CUX2: variants seen among roughly 807,000 people sequenced by gnomAD.
CUX2 encodes the protein cut like homeobox 2, also known as homeobox protein cut-like 2.
In CUX2, 40 loss-of-function variants were observed where a neutral mutation model predicts 144.8. That is an observed-to-expected ratio of 0.28 (90% CI 0.21 to 0.36). CUX2 has a LOEUF of 0.36. CUX2 is among the 10% of genes least tolerant of loss of function. The pLI is 1.00. For missense variants in CUX2, 1,615 were observed against 1,994.0 expected, an observed-to-expected ratio of 0.81 and a Z score of 3.62; for synonymous variants, 827 against 875.6, an observed-to-expected ratio of 0.94 and a Z score of 0.98.
chr12:111,343,786 C>T (rs762736748), intron 21 of CUX2, among the ~76,000 whole-genome samples: 2 of 152,162 alleles, frequency 1.3e-5, no homozygotes, highest in Non-Finnish European at 2.9e-5. Context: ...TTTGACCGGG[C>T]GCAGTGGCTC....
intron 1 of CUX2, among the ~76,000 whole-genome samples, chr12:111,183,989 A>G (rs749645211): frequency 1.2e-4 from 18 of 152,030 alleles, no homozygotes; most frequent in Non-Finnish European, 1.8e-4. Flanking sequence ...ACACACTTCA[A>G]TCGTCCGTAT....
At chr12:111,124,099 T>C (rs1444619014) in intron 1 of CUX2, among the ~76,000 whole-genome samples, 1 of 152,188 alleles carries the variant, frequency 6.6e-6, no homozygotes, top group Non-Finnish European at 1.5e-5. Flanking sequence ...GTCCCAAACA[T>C]TTTTATTCCC....
chr12:111,056,087 A>G (rs973564063), intron 1 of CUX2, among the ~76,000 whole-genome samples: 1 of 152,196 alleles, frequency 6.6e-6, no homozygotes, highest in Non-Finnish European at 1.5e-5. Flanking sequence ...GCGGAGGCCA[A>G]TTGTGGCTTT....
rs540942319 is a variant in CUX2, at chr12:111,074,505, G to A, written c.63+40265G>A. Among the ~76,000 whole-genome samples the A allele has an allele frequency of 3.9e-5, 6 of 152,166 alleles. No homozygotes were observed. The South Asian group carries it at 1.0e-3, about 26-fold the overall frequency. Reference sequence around the variant, plus strand: ...CTCTCTGCTGTGAGTGAAGATAGAGGCTTGTCTTTGCCCAACCTTGCCTGG... The same window carrying A: ...CTCTCTGCTGTGAGTGAAGATAGAGACTTGTCTTTGCCCAACCTTGCCTGG... On this transcript the variant is annotated intron_variant, in intron 1 of 21. Transcript: ENST00000261726.
intron 10 of CUX2, among the ~76,000 whole-genome samples, chr12:111,305,845 A>G (rs1886552562): frequency 6.6e-6 from 1 of 151,976 alleles, no homozygotes; most frequent in African/African-American, 2.4e-5. Flanking sequence ...GTGTGTGATG[A>G]TGTGTCCTTG....
chr12:111,225,589 G>A (rs2136237784), intron 3 of CUX2, among the ~76,000 whole-genome samples: 1 of 152,342 alleles, frequency 6.6e-6, no homozygotes, highest in South Asian at 2.1e-4. Flanking sequence ...AGCAGAAGAT[G>A]CAAACCTCAG....
chr12:111,105,485 CTGTGTGTG>C (rs139804461), intron 1 of CUX2, among the ~76,000 whole-genome samples: 1 of 149,598 alleles, frequency 6.7e-6, no homozygotes, highest in Non-Finnish European at 1.5e-5. Context: ...CTGGAAAGCT[CTGTGTGTG>C]TGTGTGTGTG....
intron 1 of CUX2, among the ~76,000 whole-genome samples, chr12:111,162,844 G>A (rs953577610): frequency 1.3e-5 from 2 of 152,172 alleles, no homozygotes; most frequent in Middle Eastern, 3.4e-3. Flanking sequence ...TCAGGAGTTC[G>A]ATACCAGCCT....
intron 1 of CUX2, among the ~76,000 whole-genome samples, chr12:111,139,524 A>G (rs1190704819): frequency 2.0e-5 from 3 of 152,152 alleles, no homozygotes; most frequent in Non-Finnish European, 2.9e-5. Flanking sequence ...GTTGGGACAG[A>G]TACTTTCCAA....
rs1375919096 is a variant in CUX2, at chr12:111,304,892, C to T, written c.858+578C>T. Among the ~76,000 whole-genome samples the T allele has an allele frequency of 1.3e-5, 2 of 152,134 alleles. No homozygotes were observed. The highest frequency in any genetic ancestry group is 2.9e-5 in the Non-Finnish European group (2 of 68,018). ...AGTCATCACCAGGACTGCAGTGGGG[C>T]CACATACCAAGATAAAATTTAACAT... On this transcript the variant is annotated intron_variant, in intron 10 of 21. Transcript: ENST00000261726. The surrounding 1 kb of genome is among the most constrained non-coding windows in gnomAD (Gnocchi z 4.7).
intron 3 of CUX2, among the ~76,000 whole-genome samples, chr12:111,234,997 G>A (rs1440449382): frequency 6.6e-6 from 1 of 152,140 alleles, no homozygotes; most frequent in African/African-American, 2.4e-5. Context: ...GGAATTACAG[G>A]CATGAGCCAC....
rs1346317681 is a variant in CUX2 at position 111,304,473 on chromosome 12, T to C, written c.858+159T>C. On this transcript the variant is annotated intron_variant, in intron 10 of 21. Coordinates refer to ENST00000261726, the MANE Select transcript of CUX2 (RefSeq NM_015267.4). The surrounding 1 kb of genome is among the most constrained non-coding windows in gnomAD (Gnocchi z 4.7). Reference sequence around the variant, plus strand: ...TGTGTGTGGGTCTCTGTGCATACGGTGAGCATAATCACTATGACCTGCTAC... The same window carrying C: ...TGTGTGTGGGTCTCTGTGCATACGGCGAGCATAATCACTATGACCTGCTAC... Among the ~76,000 whole-genome samples, 1 of 152,076 alleles carries C rather than the reference T, an allele frequency of 6.6e-6. No individual in the cohort carries two copies. Among genetic ancestry groups the C allele is most frequent in the Admixed American group, 6.6e-5 (1 of 15,258 alleles).
chr12:111,303,813 C>G (rs1255878180), intron 9 of CUX2, among the ~76,000 whole-genome samples: 1 of 152,066 alleles, frequency 6.6e-6, no homozygotes, highest in East Asian at 1.9e-4. Context: ...CTAGCCAGGC[C>G]TGAAGTTAAT....
At chr12:111,152,915 A>G (rs1279036886) in intron 1 of CUX2, among the ~76,000 whole-genome samples, 4 of 152,226 alleles carry the variant, frequency 2.6e-5, no homozygotes, top group African/African-American at 4.8e-5. Flanking sequence ...GGGAAACAGA[A>G]CCAAAGAGAG....
chr12:111,241,185 CAAGA>C (rs1229276009), intron 3 of CUX2, among the ~76,000 whole-genome samples: 1 of 152,008 alleles, frequency 6.6e-6, no homozygotes, highest in Non-Finnish European at 1.5e-5. Context: ...AGAGAGGAAA[CAAGA>C]GAGAGAAACC....
In CUX2 at chr12:111,350,257, C is replaced by T. The variant is rs937314468; in HGVS notation, c.*1932C>T. The T allele has an allele frequency of 2.0e-5, 3 of 152,494 alleles. No homozygotes were observed. Among genetic ancestry groups the T allele is most frequent in the Non-Finnish European group, 2.9e-5 (2 of 68,046 alleles). The allele number at this position is 152,494 out of a possible 1,614,324, so 9.4% of individuals were successfully genotyped here. A position where few individuals can be genotyped will look rare whatever the true frequency, so the allele number is the denominator to read the frequency against. The stretch of plus-strand genomic sequence containing the variant: ...CACCACTTTTTACTGTTGAAACCAA[C>T]ACAACGTTGAAATCCAGGCTTATAC... On this transcript the variant is annotated 3_prime_UTR_variant, in exon 22 of 22. Coordinates refer to ENST00000261726, the MANE Select transcript of CUX2 (RefSeq NM_015267.4).
chr12:111,298,592 G>A lies in CUX2; in HGVS notation c.753+3G>A, dbSNP rs373503790. ...CCAACCTGGAGAAAGCTAATCAGGT[G>A]AGGAGGCGCAGTTCCCACCCGTGGG... On this transcript the variant is annotated splice_donor_region_variant and intron_variant, in intron 9 of 21. Coordinates refer to ENST00000261726, the MANE Select transcript of CUX2 (RefSeq NM_015267.4). The A allele has an allele frequency of 7.7e-6, 12 of 1,566,114 alleles. No homozygotes were observed. Among genetic ancestry groups the A allele is most frequent in the Admixed American group, 1.9e-5 (1 of 52,728 alleles).
At chr12:111,128,435 G>C (rs1239030330) in intron 1 of CUX2, among the ~76,000 whole-genome samples, 1 of 152,216 alleles carries the variant, frequency 6.6e-6, no homozygotes, top group African/African-American at 2.4e-5. Flanking sequence ...GGCTGGGAGA[G>C]AGAAGGCAGT....
intron 5 of CUX2, among the ~76,000 whole-genome samples, chr12:111,292,317 T>C (rs983961820): frequency 1.3e-5 from 2 of 151,822 alleles, no homozygotes; most frequent in East Asian, 1.9e-4. Context: ...GCTGGCCAGG[T>C]GCAGTGGCTC....
Sources: gnomAD v4.1 joint callset for allele counts (sites outside exome capture counted in the v4.1 genomes callset) on GRCh38, gnomAD v4.1.1 for gene constraint, Gnocchi (gnomAD v3.1) non-coding constraint, MANE v1.5 for transcripts, NCBI Gene and HGNC (gene_info 2026-07-23, HGNC 2026-07-21) for gene names.